The following GPLD1 variants were observed in gnomAD, a reference collection of about 807,000 sequenced individuals.
GPLD1 encodes phosphatidylinositol-glycan-specific phospholipase D.
In GPLD1, 84 loss-of-function variants were observed where a neutral mutation model predicts 112.6. The observed-to-expected ratio is 0.75, with a 90% CI of 0.63 to 0.89. GPLD1 has a LOEUF of 0.89. Ranked by LOEUF, GPLD1 falls within the 40% of genes least tolerant of loss-of-function variation. The pLI is 0.00. For missense variants in GPLD1, 1,044 were observed against 1,051.5 expected, an observed-to-expected ratio of 0.99 and a Z score of 0.10; for synonymous variants, 386 against 403.8, an observed-to-expected ratio of 0.96 and a Z score of 0.53.
chr6:24,463,144 T>C (rs950211268), intron 10 of GPLD1, among the ~76,000 whole-genome samples: 5 of 152,176 alleles, frequency 3.3e-5, no homozygotes, highest in Admixed American at 3.3e-4. Context: ...TGCCCAATTA[T>C]ACACATTTAT....
At chr6:24,436,876 A>G in intron 21 of GPLD1, 140 bp from the exon 22 acceptor site, 1 of 889,018 alleles carries the variant, frequency 1.1e-6, no homozygotes, top group Non-Finnish European at 1.7e-6. Context: ...TCATCCTGGC[A>G]AAGGCTTTTG....
rs140754732 is a variant in GPLD1, at chr6:24,436,680, C to T, written c.2254G>A (p.Gly752Arg). The change falls in exon 22 of 25, where the codon GGG (glycine) becomes AGG (arginine). Residue 752 changes from glycine (G) to arginine (R), a missense_variant. Physicochemically the swap from Gly to Arg is moderately radical, Grantham distance 125. Coordinates refer to ENST00000230036, the MANE Select transcript of GPLD1 (RefSeq NM_001503.4). ...ACATATACTCGGCCGTCTTCTCCCC[C>T]AATCAGTCCAGAGGTTACATCTGCT... ...RIADVTSGLI[G>R]GEDGRVYVYN... 75 of 1,614,070 alleles carry T rather than the reference C, an allele frequency of 4.6e-5. No individual in the cohort carries two copies. The African/African-American group carries it at 8.8e-4, about 19-fold the overall frequency.
Position 24,429,131 on chromosome 6 carries a change from CAA to C in GPLD1, c.2437-15_2437-14del. The C allele has an allele frequency of 1.3e-6, 2 of 1,582,008 alleles. No individual in the cohort carries two copies. On this transcript the variant is annotated splice_polypyrimidine_tract_variant and intron_variant, in intron 24 of 24. Coordinates refer to ENST00000230036, the MANE Select transcript of GPLD1 (RefSeq NM_001503.4). ...TGACGACTTGGTTCTGTAAGGGACA[CAA>C]GACAGAATTCATGGCTCATTCATAA...
chr6:24,449,822 A>AGCTCCCACGGCCAGGTCAG lies in GPLD1; in HGVS notation c.1394_1412dup (p.Pro472Ter). 2 of 1,613,302 alleles carry AGCTCCCACGGCCAGGTCAG rather than the reference A, an allele frequency of 1.2e-6. No homozygotes were observed. Among genetic ancestry groups the AGCTCCCACGGCCAGGTCAG allele is most frequent in the Non-Finnish European group, 8.5e-7 (1 of 1,179,506 alleles). ...TGAGCTGCTCGGAGCCCACCGAGGG[A>AGCTCCCACGGCCAGGTCAG]GCTCCCACGGCCAGGTCAGGCACGC... On this transcript the variant is annotated stop_gained and frameshift_variant, in exon 15 of 25. Transcript: ENST00000230036. LOFTEE classifies it high-confidence loss of function.
chr6:24,450,146 G>C (rs945555671), intron 14 of GPLD1, among the ~76,000 whole-genome samples: 4 of 152,232 alleles, frequency 2.6e-5, no homozygotes, highest in African/African-American at 9.6e-5. Context: ...TGGTTCTTAT[G>C]AGTTCTAGAT....
chr6:24,486,835 G>A (rs115266706), intron 1 of GPLD1, among the ~76,000 whole-genome samples: 2,689 of 151,660 alleles, frequency 0.018, 52 homozygotes, highest in African/African-American at 0.051. Flanking sequence ...AAAAGAAACT[G>A]TCATCATATT....
At chr6:24,435,690 T>C (rs1252165987) in intron 22 of GPLD1, 1 of 151,236 alleles carries the variant, frequency 6.6e-6, no homozygotes, top group African/African-American at 2.4e-5. Flanking sequence ...CCAGGCGTGG[T>C]GGTGCATGCC....
chr6:24,446,278 C>A lies in GPLD1; in HGVS notation c.1821-447G>T, dbSNP rs1192005330. Among the ~76,000 whole-genome samples, 3 of 151,988 alleles carry A rather than the reference C, an allele frequency of 2.0e-5. No individual in the cohort carries two copies. The East Asian group carries it at 5.8e-4, about 29-fold the overall frequency. ...CAAAGAAGAGGAGAGGCAGGAGGAT[C>A]ACTTGAGGCCAGTTTGAGACGAGCC... On this transcript the variant is annotated intron_variant, in intron 18 of 24. Coordinates refer to ENST00000230036, the MANE Select transcript of GPLD1 (RefSeq NM_001503.4).
chr6:24,435,132 C>G (rs545453802), intron 22 of GPLD1, among the ~76,000 whole-genome samples: 232 of 151,736 alleles, frequency 1.5e-3, no homozygotes, highest in African/African-American at 5.1e-3. Context: ...CTGCCTCAGC[C>G]TCCCGAGTAG....
chr6:24,492,248 T>C (rs1764575568), upstream of GPLD1, among the ~76,000 whole-genome samples: 1 of 152,012 alleles, frequency 6.6e-6, no homozygotes, highest in Non-Finnish European at 1.5e-5. Flanking sequence ...CTCATGCCTG[T>C]AATCCCAGCA....
chr6:24,467,017 C>T (rs1581768432), intron 8 of GPLD1, 78 bp from the exon 9 acceptor site: 2 of 1,305,016 alleles, frequency 1.5e-6, no homozygotes, highest in Non-Finnish European at 2.2e-6. Flanking sequence ...AGAAAAAGTT[C>T]CATCCACCCT....
rs766716109 is a variant in GPLD1, at chr6:24,425,853, A to AT, written c.*3178dup. On this transcript the variant is annotated 3_prime_UTR_variant, in exon 25 of 25. Coordinates refer to ENST00000230036, the MANE Select transcript of GPLD1 (RefSeq NM_001503.4). ...CCAATTTTATATTAAAAAGCTATTT[A>AT]TTTTGGTGAGTTATTCCAAGAGTTG... 17 of 152,214 alleles carry AT rather than the reference A, an allele frequency of 1.1e-4. No homozygotes were observed. The highest frequency in any genetic ancestry group is 1.6e-4 in the Non-Finnish European group (11 of 68,024). The allele number at this position is 152,214 out of a possible 1,614,324, so 9.4% of individuals were successfully genotyped here.
chr6:24,434,829 C>G (rs1327924089), intron 22 of GPLD1, among the ~76,000 whole-genome samples: 2 of 117,014 alleles, frequency 1.7e-5, no homozygotes, highest in Non-Finnish European at 3.2e-5. Context: ...CAGAGCGAGA[C>G]TCCGTCTCAA....
intron 14 of GPLD1, 61 bp downstream of exon 14, chr6:24,453,954 G>A (rs1325924863): frequency 2.9e-6 from 3 of 1,046,258 alleles, no homozygotes; most frequent in Non-Finnish European, 4.3e-6. Flanking sequence ...TGGAGAATCT[G>A]CCACAAAATG....
At chr6:24,480,658 T>TAA (rs10654733) in intron 2 of GPLD1, among the ~76,000 whole-genome samples, 64,050 of 151,878 alleles carry the variant, frequency 0.42, 13,800 homozygotes, top group Non-Finnish European at 0.46. Context: ...TTGGGAGGGC[T>TAA]AAAAAAAGTG....
At chr6:24,441,170 G>A (rs938546845) in intron 20 of GPLD1, among the ~76,000 whole-genome samples, 4 of 151,838 alleles carry the variant, frequency 2.6e-5, no homozygotes, top group Non-Finnish European at 4.4e-5. Context: ...GCTGGGCATG[G>A]TGGTGCGTGC....
At chr6:24,445,899 C>G in intron 18 of GPLD1, 68 bp from the exon 19 acceptor site, 1 of 1,145,644 alleles carries the variant, frequency 8.7e-7, no homozygotes, top group Non-Finnish European at 1.3e-6. Context: ...TACTCAGGAG[C>G]AAGGAAAGGA....
intron 4 of GPLD1, among the ~76,000 whole-genome samples, chr6:24,475,766 G>A (rs1389342369): frequency 1.3e-5 from 2 of 148,454 alleles, no homozygotes; most frequent in African/African-American, 5.0e-5. Context: ...GCTGAGGCAG[G>A]AGAATGGCAT....
rs867828462 is a variant in GPLD1, at chr6:24,466,916, G to C, written c.677C>G (p.Ser226Cys). The change falls in exon 9 of 25, where the codon TCC becomes TGC. Residue 226 changes from serine (S) to cysteine (C), a missense_variant. Transcript: ENST00000230036. ...LEMYGEMLAVSKLYPTYSTKS... is the reference protein window; with the variant it reads ...LEMYGEMLAVCKLYPTYSTKS... ...TTGGAAGAATGACGCCTTTACCTTG[G>C]AAACAGCTAGCATCTCACCATACCT... 19 of 1,611,100 alleles carry C rather than the reference G, an allele frequency of 1.2e-5. No homozygotes were observed. The East Asian group carries it at 4.2e-4, about 36-fold the overall frequency.
Sources: allele counts gnomAD v4.1 joint callset (sites outside exome capture counted in the v4.1 genomes callset), GRCh38; gene constraint gnomAD v4.1.1; transcripts MANE v1.5; gene names NCBI Gene and HGNC (gene_info 2026-07-23, HGNC 2026-07-21).